The following AP2A1 variants were observed in gnomAD, a reference collection of about 807,000 sequenced individuals.
The protein encoded by AP2A1 is AP-2 complex subunit alpha-1.
In AP2A1, 21 loss-of-function variants were observed where a neutral mutation model predicts 107.3. That is an observed-to-expected ratio of 0.20 (90% CI 0.14 to 0.28). AP2A1 has a LOEUF of 0.28. Ranked by LOEUF, AP2A1 falls within the 10% of genes least tolerant of loss-of-function variation. The pLI, the probability that AP2A1 is intolerant of heterozygous loss-of-function variation, is 1.00. For missense variants in AP2A1, 873 were observed against 1,307.7 expected, an observed-to-expected ratio of 0.67 and a Z score of 5.13; for synonymous variants, 602 against 564.8, an observed-to-expected ratio of 1.07 and a Z score of -0.93.
Position 49,801,408 on chromosome 19 carries a change from C to T in AP2A1, c.1572C>T (p.Ser524=). The change falls in exon 13 of 23, where the codon TCC becomes TCT. Residue 524 remains serine, a synonymous_variant. Transcript: ENST00000354293. ...DPRSSPPVQF[S]LLHSKFHLCS... Reference sequence around the variant, plus strand: ...CACACAGCCCCCCAGTGCAGTTCTCCCTGCTCCACTCCAAGTTCCATCTGT... The same window carrying T: ...CACACAGCCCCCCAGTGCAGTTCTCTCTGCTCCACTCCAAGTTCCATCTGT... 1 of 1,613,624 alleles carries T rather than the reference C, an allele frequency of 6.2e-7. No homozygotes were observed. Among genetic ancestry groups the T allele is most frequent in the East Asian group, 2.2e-5 (1 of 44,864 alleles).
chr19:49,802,944 T>G lies in AP2A1; in HGVS notation c.2115-5T>G. 1 of 1,612,326 alleles carries G rather than the reference T, an allele frequency of 6.2e-7. No homozygotes were observed. Among genetic ancestry groups the G allele is most frequent in the Non-Finnish European group, 8.5e-7 (1 of 1,179,416 alleles). ...TTCCCATCTCACTCTGCTCCATGCC[T>G]CCAGCCCAGGTCCTGAGGACATCGG... On this transcript the variant is annotated splice_region_variant and splice_polypyrimidine_tract_variant and intron_variant, in intron 15 of 22. Transcript: ENST00000354293.
chr19:49,792,198 C>G (rs147212058), intron 5 of AP2A1, 134 bp downstream of exon 5: 1 of 966,106 alleles, frequency 1.0e-6, no homozygotes, highest in Non-Finnish European at 1.5e-6. Flanking sequence ...CCCACGCACC[C>G]CCTGGATGCC....
rs751453982 is a variant in AP2A1 at position 49,798,782 on chromosome 19, C to T, written c.815-20C>T. On this transcript the variant is annotated intron_variant, in intron 7 of 22. Transcript: ENST00000354293. ...GGTGGGCAGGACACTCAGCCGGGGG[C>T]GTCCCCTTCGTTTCCCCAGAGGATG... 2.2e-5 allele frequency: 35 copies of T among 1,597,018 alleles called. No individual in the cohort carries two copies. The highest frequency in any genetic ancestry group is 4.0e-5 in the African/African-American group (3 of 74,612).
At chr19:49,800,917 G>GCGCT in intron 11 of AP2A1, 44 bp from the exon 12 acceptor site, 1 of 1,505,472 alleles carries the variant, frequency 6.6e-7, no homozygotes, top group South Asian at 1.2e-5. Context: ...CCCGGAGAGG[G>GCGCT]CGCTCATTGT....
intron 7 of AP2A1, chr19:49,797,308 C>A (rs536304480): frequency 6.6e-6 from 1 of 152,324 alleles, no homozygotes; most frequent in East Asian, 1.9e-4. Context: ...TTCCCAGCAT[C>A]CAGATAAGTA....
chr19:49,776,020 AC>A (rs2084613677), intron 1 of AP2A1, among the ~76,000 whole-genome samples: 1 of 151,488 alleles, frequency 6.6e-6, no homozygotes, highest in Non-Finnish European at 1.5e-5. Context: ...ACTTCCCTTG[AC>A]TCTGCCTTAC....
chr19:49,767,123 C>T lies in AP2A1; in HGVS notation c.-11C>T, dbSNP rs763171439. 9.6e-5 allele frequency: 154 copies of T among 1,610,684 alleles called. No individual in the cohort carries two copies. Among genetic ancestry groups the T allele is most frequent in the Non-Finnish European group, 1.3e-4 (152 of 1,179,604 alleles). On this transcript the variant is annotated 5_prime_UTR_variant, in exon 1 of 23. Coordinates refer to ENST00000354293, the MANE Select transcript of AP2A1 (RefSeq NM_130787.3). ...TGTCCGGCCAGGCCTGGAGCCGACA[C>T]CACCGCCATCATGCCGGCCGTGTCC...
At chr19:49,794,575 C>G (rs1458817761) in intron 6 of AP2A1, among the ~76,000 whole-genome samples, 1 of 152,154 alleles carries the variant, frequency 6.6e-6, no homozygotes, top group Non-Finnish European at 1.5e-5. Context: ...GGTAGGAACA[C>G]AGACCAGCAC....
At chr19:49,802,624 G>T (rs2123757347) in intron 15 of AP2A1, 3 of 1,531,236 alleles carry the variant, frequency 2.0e-6, no homozygotes, top group East Asian at 2.3e-5. Context: ...GGGGTGGGAG[G>T]TCGGTCGGGG....
intron 1 of AP2A1, among the ~76,000 whole-genome samples, chr19:49,772,444 C>G (rs571345745): frequency 6.6e-6 from 1 of 151,136 alleles, no homozygotes; most frequent in African/African-American, 2.4e-5. Flanking sequence ...TCCCGAAGTG[C>G]TGGGATTACA....
At chr19:49,773,028 A>C (rs1259827461) in intron 1 of AP2A1, among the ~76,000 whole-genome samples, 1 of 151,958 alleles carries the variant, frequency 6.6e-6, no homozygotes, top group Non-Finnish European at 1.5e-5. Context: ...CTCAGAGAGC[A>C]GCAGAGGGAA....
chr19:49,778,931 C>G (rs903623963), intron 1 of AP2A1, among the ~76,000 whole-genome samples: 2 of 150,396 alleles, frequency 1.3e-5, no homozygotes, highest in Non-Finnish European at 3.0e-5. Context: ...CATGGTGGCT[C>G]ATACCTGTAA....
intron 6 of AP2A1, among the ~76,000 whole-genome samples, chr19:49,794,121 C>T (rs1022325747): frequency 4.6e-5 from 7 of 151,354 alleles, no homozygotes; most frequent in Non-Finnish European, 8.8e-5. Flanking sequence ...AGGATGATCT[C>T]GATCTCCTGA....
chr19:49,796,054 A>G, intron 7 of AP2A1: 1 of 320,406 alleles, frequency 3.1e-6, no homozygotes. Context: ...AGGCTTGGAG[A>G]GGGAGCTCCT....
Position 49,803,137 on chromosome 19 carries a change from C to G in AP2A1, c.2202C>G (p.Phe734Leu). 4 of 1,613,958 alleles carry G rather than the reference C, an allele frequency of 2.5e-6. No individual in the cohort carries two copies. Among genetic ancestry groups the G allele is most frequent in the South Asian group, 2.2e-5 (2 of 91,082 alleles). The change falls in exon 17 of 23, where the codon TTC becomes TTG. Residue 734 changes from phenylalanine (F) to leucine (L), a missense_variant. By Grantham distance (22) the Phe-to-Leu change is conservative (BLOSUM62 0). Around this residue, in one of 4 missense-constraint regions of AP2A1, gnomAD observed 416 missense variants for 473.4 expected, o/e 0.88. Coordinates refer to ENST00000354293, the MANE Select transcript of AP2A1 (RefSeq NM_130787.3). ...KFVCKNNGVL[F>L]ENQLLQIGVK... ...TGTGTAAGAACAACGGGGTCCTGTT[C>G]GAGAACCAGCTGCTGCAGATCGGAG...
chr19:49,787,326 CT>C (rs201187935), intron 4 of AP2A1, among the ~76,000 whole-genome samples: 4 of 116,770 alleles, frequency 3.4e-5, no homozygotes, highest in Non-Finnish European at 6.8e-5. Context: ...CCCATCTAGG[CT>C]TTTTTTGTTT....
At chr19:49,767,258 G>A in intron 1 of AP2A1, 58 bp downstream of exon 1, 1 of 1,594,954 alleles carries the variant, frequency 6.3e-7, no homozygotes. Flanking sequence ...GTGAAATTGA[G>A]GGGTTTGGGG....
intron 4 of AP2A1, among the ~76,000 whole-genome samples, chr19:49,790,655 C>A (rs1229218359): frequency 6.6e-6 from 1 of 152,236 alleles, no homozygotes; most frequent in Non-Finnish European, 1.5e-5. Flanking sequence ...CCACCTCAGC[C>A]TCCTAAAGTG....
chr19:49,779,500 A>AC (rs1013294599), intron 1 of AP2A1, among the ~76,000 whole-genome samples: 9 of 150,644 alleles, frequency 6.0e-5, no homozygotes, highest in Non-Finnish European at 7.4e-5. Flanking sequence ...AAAAAAAAAA[A>AC]AAAAAAAAAA....
Sources: allele counts gnomAD v4.1 joint callset (sites outside exome capture counted in the v4.1 genomes callset), GRCh38; gene constraint gnomAD v4.1.1; regional missense constraint gnomAD v4.1.1; transcripts MANE v1.5; gene names NCBI Gene and HGNC (gene_info 2026-07-23, HGNC 2026-07-21).